Variants in GALNT2 observed in about 807,000 individuals in gnomAD.
GALNT2 encodes polypeptide N-acetylgalactosaminyltransferase 2.
A neutral mutation model predicts 81.4 loss-of-function variants in GALNT2; 31 were observed. The observed-to-expected ratio is 0.38, with a 90% CI of 0.29 to 0.51. GALNT2 has a LOEUF of 0.51. Among genes scored for constraint, GALNT2 ranks in the 20% least tolerant of loss-of-function variants. GALNT2 has a pLI of 0.87. For missense variants in GALNT2, 629 were observed against 765.7 expected (o/e 0.82, Z 2.11); for synonymous variants, 303 against 287.4 (o/e 1.05, Z -0.55).
intron 1 of GALNT2, among the ~76,000 whole-genome samples, chr1:230,175,048 G>C (rs1164412823): frequency 6.6e-6 from 1 of 152,200 alleles, no homozygotes; most frequent in Non-Finnish European, 1.5e-5. Flanking sequence ...GGCCCCTGCT[G>C]TGTCTCTAGG....
At chr1:230,174,716 GA>G (rs1662903822) in intron 1 of GALNT2, among the ~76,000 whole-genome samples, 1 of 152,048 alleles carries the variant, frequency 6.6e-6, no homozygotes, top group South Asian at 2.1e-4. Context: ...CTGCATTACT[GA>G]AATGGCCTCC....
chr1:230,276,141 T>C lies in GALNT2; in HGVS notation c.1560+1577T>C, dbSNP rs562194891. Among the ~76,000 whole-genome samples, 3 of 151,944 alleles carry C rather than the reference T, an allele frequency of 2.0e-5. 1 individual carries two copies. The highest frequency in any genetic ancestry group is 2.0e-4 in the Admixed American group (3 of 15,252). On this transcript the variant is annotated intron_variant, in intron 15 of 15. Transcript: ENST00000366672. ...GACACCACAGATATATACATATATA[T>C]ACACACCACATATATATACATATAT... is the stretch of plus-strand genomic sequence containing the variant.
At chr1:230,265,013 A>C in intron 13 of GALNT2, 1 of 485,146 alleles carries the variant, frequency 2.1e-6, no homozygotes, top group Non-Finnish European at 3.7e-6. Flanking sequence ...ATAGAATATA[A>C]AGAATACTTC....
At chr1:230,132,533 C>T (rs1661401270) in intron 1 of GALNT2, among the ~76,000 whole-genome samples, 1 of 152,128 alleles carries the variant, frequency 6.6e-6, no homozygotes, top group South Asian at 2.1e-4. Context: ...AGGGCCAGGC[C>T]TTGCTGAGAA....
chr1:230,238,542 C>T (rs546368684), intron 6 of GALNT2, among the ~76,000 whole-genome samples: 41 of 152,252 alleles, frequency 2.7e-4, no homozygotes, highest in South Asian at 2.3e-3. Flanking sequence ...TCTCAAGGCC[C>T]TTACAGCTAT....
intron 1 of GALNT2, among the ~76,000 whole-genome samples, chr1:230,103,769 C>T (rs1345975212): frequency 6.6e-6 from 1 of 152,040 alleles, no homozygotes; most frequent in Admixed American, 6.6e-5. Flanking sequence ...GGCACTGTTG[C>T]AGCTAACCCT....
chr1:230,098,399 T>G (rs1208380969), intron 1 of GALNT2, among the ~76,000 whole-genome samples: 1 of 152,028 alleles, frequency 6.6e-6, no homozygotes, highest in East Asian at 1.9e-4. Context: ...ATTTCCAGAA[T>G]GTACATATTG....
chr1:230,208,516 A>G (rs2102711326), intron 3 of GALNT2, among the ~76,000 whole-genome samples: 1 of 152,336 alleles, frequency 6.6e-6, no homozygotes, highest in Non-Finnish European at 1.5e-5. Flanking sequence ...CTTAGCGGGA[A>G]TGTAAATTTG....
At chr1:230,117,367 G>T (rs2102796760) in intron 1 of GALNT2, among the ~76,000 whole-genome samples, 1 of 152,384 alleles carries the variant, frequency 6.6e-6, no homozygotes, top group East Asian at 1.9e-4. Flanking sequence ...GTTCACTGGA[G>T]TAGCACTTTT....
intron 1 of GALNT2, among the ~76,000 whole-genome samples, chr1:230,162,275 C>G (rs1447473471): frequency 6.6e-6 from 1 of 152,122 alleles, no homozygotes; most frequent in Non-Finnish European, 1.5e-5. Flanking sequence ...GGATGAAGCT[C>G]CTGTATCTGA....
In GALNT2 at chr1:230,204,164, TTTTC is replaced by T. The variant is rs1383944937; in HGVS notation, c.374+878_374+881del. 3.6e-5 allele frequency among the ~76,000 whole-genome samples: 5 copies of T among 138,420 alleles called. No individual in the cohort carries two copies. The South Asian group carries it at 9.0e-4, about 25-fold the overall frequency. 90.8% of individuals were successfully genotyped at this position (138,420 alleles called of 152,430 possible). A position where few individuals can be genotyped will look rare whatever the true frequency, so the allele number is the denominator to read the frequency against. On this transcript the variant is annotated intron_variant, in intron 3 of 15. Transcript: ENST00000366672. ...CTGACCTCCTTCTTTTTCTTTTTCT[TTTTC>T]TTTTTTTTTTTGGAGACTGAGTCTT...
At chr1:230,165,333 C>T (rs770905406) in intron 1 of GALNT2, among the ~76,000 whole-genome samples, 26 of 152,046 alleles carry the variant, frequency 1.7e-4, no homozygotes, top group African/African-American at 5.1e-4. Flanking sequence ...TTTTAATGGG[C>T]GCATAGTATT....
At chr1:230,182,902 C>T (rs1175488059) in intron 2 of GALNT2, among the ~76,000 whole-genome samples, 2 of 152,148 alleles carry the variant, frequency 1.3e-5, no homozygotes, top group African/African-American at 2.4e-5. Context: ...ACTGCATGGA[C>T]ATTTTTATGC....
At chr1:230,217,416 C>T (rs983071284) in intron 3 of GALNT2, among the ~76,000 whole-genome samples, 1 of 152,172 alleles carries the variant, frequency 6.6e-6, no homozygotes, top group Non-Finnish European at 1.5e-5. Flanking sequence ...ATCTAAAGGA[C>T]AGCAGGAAGC....
intron 1 of GALNT2, among the ~76,000 whole-genome samples, chr1:230,079,169 A>G (rs562868814): frequency 1.3e-5 from 2 of 152,374 alleles, no homozygotes; most frequent in South Asian, 2.1e-4. Context: ...GGTTCTCCCA[A>G]CAAGATATTG....
chr1:230,092,781 A>G (rs933508796), intron 1 of GALNT2, among the ~76,000 whole-genome samples: 2 of 152,232 alleles, frequency 1.3e-5, no homozygotes, highest in Non-Finnish European at 2.9e-5. Context: ...AAGAGAAAGT[A>G]TATTATGTGT....
chr1:230,137,412 C>T (rs1661584488), intron 1 of GALNT2, among the ~76,000 whole-genome samples: 1 of 152,174 alleles, frequency 6.6e-6, no homozygotes, highest in Non-Finnish European at 1.5e-5. Context: ...TGCCCATGGT[C>T]AGAGAGCCTG....
intron 6 of GALNT2, among the ~76,000 whole-genome samples, chr1:230,240,663 G>GT (rs35147394): frequency 0.14 from 19,588 of 144,376 alleles, 2,083 homozygotes; most frequent in East Asian, 0.58. Context: ...CTCTATATCT[G>GT]TTTTTTTTTT....
chr1:230,081,841 A>G (rs558831722), intron 1 of GALNT2, among the ~76,000 whole-genome samples: 1 of 152,350 alleles, frequency 6.6e-6, no homozygotes, highest in African/African-American at 2.4e-5. Flanking sequence ...CTGGCCTGTC[A>G]TGTTAGACCT....
Sources: gnomAD v4.1 joint callset for allele counts (sites outside exome capture counted in the v4.1 genomes callset) on GRCh38, gnomAD v4.1.1 for gene constraint, MANE v1.5 for transcripts, NCBI Gene and HGNC (gene_info 2026-07-23, HGNC 2026-07-21) for gene names.